SDK1: variants seen among roughly 807,000 people sequenced by gnomAD.
SDK1 encodes the protein protein sidekick-1.
A neutral mutation model predicts 245.5 loss-of-function variants in SDK1; 157 were observed. That is an observed-to-expected ratio of 0.64 (90% CI 0.56 to 0.73). SDK1 has a LOEUF of 0.73. Ranked by LOEUF, SDK1 falls within the 30% of genes least tolerant of loss-of-function variation. The probability of loss-of-function intolerance (pLI) is 0.00; values close to 1 mark genes in which losing one functional copy is unlikely to be tolerated. For synonymous variants in SDK1, 1,647 were observed against 1,278.5 expected, an observed-to-expected ratio of 1.29 and a Z score of -6.15; for missense variants, 3,583 against 3,002.3, an observed-to-expected ratio of 1.19 and a Z score of -4.52.
intron 5 of SDK1, among the ~76,000 whole-genome samples, chr7:3,887,228 C>A: frequency 6.6e-6 from 1 of 152,058 alleles, no homozygotes; most frequent in East Asian, 1.9e-4. Context: ...GTAGCCCTGG[C>A]AAATCACAAG....
chr7:3,731,805 T>A (rs1779185638), intron 4 of SDK1, among the ~76,000 whole-genome samples: 2 of 152,144 alleles, frequency 1.3e-5, no homozygotes, highest in African/African-American at 4.8e-5. Context: ...TTTATTTTAT[T>A]TTTTTGAGAC....
intron 1 of SDK1, among the ~76,000 whole-genome samples, chr7:3,613,187 C>T (rs1228937669): frequency 1.3e-5 from 2 of 152,114 alleles, no homozygotes; most frequent in Non-Finnish European, 2.9e-5. Context: ...AAATCCATCG[C>T]AAGACCCCCT....
chr7:3,419,934 C>G (rs767283883), intron 1 of SDK1, among the ~76,000 whole-genome samples: 1 of 152,096 alleles, frequency 6.6e-6, no homozygotes, highest in Non-Finnish European at 1.5e-5. Flanking sequence ...ATACGCAAAG[C>G]CGTTAGAGAT....
At chr7:3,659,639 G>A (rs1238068568) in intron 4 of SDK1, among the ~76,000 whole-genome samples, 4 of 152,182 alleles carry the variant, frequency 2.6e-5, no homozygotes, top group South Asian at 2.1e-4. Context: ...TTTTCTCCAC[G>A]TGTAGTGGGG....
rs765555061 is a variant in SDK1 at position 3,997,839 on chromosome 7, G to A, written c.2131+10517G>A. ...CCCACCTTCTTCTGCCCAGGAGTCT[G>A]TCTGCCTCCTGCTGCCATTCATGGC... On this transcript the variant is annotated intron_variant, in intron 14 of 44. Transcript: ENST00000404826. Among the ~76,000 whole-genome samples, 20 of 152,290 alleles carry A rather than the reference G, an allele frequency of 1.3e-4. 1 individual carries two copies. Among genetic ancestry groups the A allele is most frequent in the South Asian group, 6.2e-4 (3 of 4,830 alleles).
At chr7:3,874,190 C>G (rs962610975) in intron 5 of SDK1, among the ~76,000 whole-genome samples, 3 of 152,180 alleles carry the variant, frequency 2.0e-5, no homozygotes, top group African/African-American at 7.2e-5. Context: ...CATGGTTACC[C>G]TCATTCTACT....
At chr7:3,313,503 C>A (rs1234793455) in intron 1 of SDK1, among the ~76,000 whole-genome samples, 1 of 152,064 alleles carries the variant, frequency 6.6e-6, no homozygotes, top group African/African-American at 2.4e-5. Flanking sequence ...GAAATTGAAC[C>A]CAGGAGTGAG....
At chr7:3,784,564 A>G (rs1011397261) in intron 4 of SDK1, among the ~76,000 whole-genome samples, 1 of 152,214 alleles carries the variant, frequency 6.6e-6, no homozygotes, top group Non-Finnish European at 1.5e-5. Context: ...TGGAATAGAC[A>G]TTTCTCAAAA....
At chr7:3,774,837 A>G (rs2115004028) in intron 4 of SDK1, among the ~76,000 whole-genome samples, 1 of 152,350 alleles carries the variant, frequency 6.6e-6, no homozygotes. Flanking sequence ...GACAACCATG[A>G]TCCTACAAGT....
At chr7:3,722,872 C>G in intron 4 of SDK1, among the ~76,000 whole-genome samples, 1 of 152,240 alleles carries the variant, frequency 6.6e-6, no homozygotes, top group Non-Finnish European at 1.5e-5. Flanking sequence ...TCCCCCTCCT[C>G]TCTCAGGACA....
chr7:3,674,467 G>A (rs192856250), intron 4 of SDK1, among the ~76,000 whole-genome samples: 188 of 152,182 alleles, frequency 1.2e-3, no homozygotes, highest in African/African-American at 4.4e-3. Flanking sequence ...GACAATACAG[G>A]GGCCTTTGCT....
chr7:3,494,588 C>T (rs928817712), intron 1 of SDK1, among the ~76,000 whole-genome samples: 2 of 152,192 alleles, frequency 1.3e-5, no homozygotes, highest in African/African-American at 4.8e-5. Context: ...ATATTCATCA[C>T]CTTAAGTACT....
chr7:3,969,994 T>A (rs1322514959), intron 11 of SDK1, among the ~76,000 whole-genome samples: 2 of 152,244 alleles, frequency 1.3e-5, no homozygotes, highest in African/African-American at 2.4e-5. Flanking sequence ...TTGCACTTTT[T>A]AAAATCAAGA....
chr7:3,719,869 C>T (rs1232159663), intron 4 of SDK1, among the ~76,000 whole-genome samples: 1 of 151,664 alleles, frequency 6.6e-6, no homozygotes, highest in Non-Finnish European at 1.5e-5. Flanking sequence ...CCAAGCTACT[C>T]AGGAGACTGA....
At chr7:4,145,943 C>A in intron 29 of SDK1, 27 bp downstream of exon 29, 1 of 1,569,234 alleles carries the variant, frequency 6.4e-7, no homozygotes, top group South Asian at 1.2e-5. Flanking sequence ...CCCGGGGGTA[C>A]TGCAGATGTT....
chr7:3,620,814 C>T (rs539512016), intron 2 of SDK1, among the ~76,000 whole-genome samples: 7 of 152,184 alleles, frequency 4.6e-5, no homozygotes, highest in Admixed American at 2.0e-4. Context: ...ACCTCACTTG[C>T]TCTCCCCATT....
intron 1 of SDK1, among the ~76,000 whole-genome samples, chr7:3,528,580 G>C (rs2128617292): frequency 6.6e-6 from 1 of 152,212 alleles, no homozygotes; most frequent in African/African-American, 2.4e-5. Context: ...ATCAACCATA[G>C]GATTGCAAGA....
rs117199043 is a variant in SDK1, at chr7:3,636,242, C to G, written c.459-2762C>G. On this transcript the variant is annotated intron_variant, in intron 2 of 44. Transcript: ENST00000404826. Reference sequence around the variant, plus strand: ...GTGATAAAAACACATAAAACTTACCCTCTTAGTAAACTTTAAAATATGTGA... The same window carrying G: ...GTGATAAAAACACATAAAACTTACCGTCTTAGTAAACTTTAAAATATGTGA... Among the ~76,000 whole-genome samples the G allele has an allele frequency of 5.3e-3, 802 of 152,240 alleles. 6 individuals are homozygous for G. Among genetic ancestry groups the G allele is most frequent in the South Asian group, 0.019 (92 of 4,822 alleles).
rs999787629 is a variant in SDK1, at chr7:3,951,163, G to C, written c.959+129G>C. ...ACAGTGGTCTTGTTTGGCCGGGTGG[G>C]CCATGAATACGAGATATGGGTAGAT... On this transcript the variant is annotated intron_variant, in intron 6 of 44. Transcript: ENST00000404826. 4 of 694,296 alleles carry C rather than the reference G, an allele frequency of 5.8e-6. No individual in the cohort carries two copies. In the East Asian group the frequency reaches 1.1e-4, roughly 19 times the overall value. 43.0% of individuals were successfully genotyped at this position (694,296 alleles called of 1,614,324 possible). A position where few individuals can be genotyped will look rare whatever the true frequency, so the allele number is the denominator to read the frequency against.
Sources: gnomAD v4.1 joint callset for allele counts (sites outside exome capture counted in the v4.1 genomes callset) on GRCh38, gnomAD v4.1.1 for gene constraint, MANE v1.5 for transcripts, NCBI Gene and HGNC (gene_info 2026-07-23, HGNC 2026-07-21) for gene names.